RNU7-1: variants seen among roughly 807,000 people sequenced by gnomAD.
The protein encoded by RNU7-1 is RNA, small nuclear U7.
chr12:6,943,850 G>C (rs1055698058), exon 1 of RNU7-1: 2 of 895,912 alleles, frequency 2.2e-6, no homozygotes, highest in African/African-American at 1.7e-5. Flanking sequence ...TGTCTAGTAG[G>C]CTTTCTGGCT....
At chr12:6,943,839 T>G (rs976977214) in exon 1 of RNU7-1, 16 of 873,876 alleles carry the variant, frequency 1.8e-5, no homozygotes, top group African/African-American at 1.7e-5. Context: ...CTTTTAGAAT[T>G]TGTCTAGTAG....
chr12:6,943,874 C>CTCCTCTTATGAT (rs1555145533), exon 1 of RNU7-1: 5 of 967,290 alleles, frequency 5.2e-6, no homozygotes, highest in Non-Finnish European at 7.3e-6. Flanking sequence ...TACCGGAAAG[C>CTCCTCTTATGAT]CCCTCTTATG....
At chr12:6,943,868 G>GC (rs1287202202) in exon 1 of RNU7-1, 2 of 941,890 alleles carry the variant, frequency 2.1e-6, no homozygotes, top group Non-Finnish European at 3.0e-6. Context: ...GCTTTTTACC[G>GC]GAAAGCCCCT....
chr12:6,943,863 T>TC (rs1194029331), exon 1 of RNU7-1: 5 of 938,858 alleles, frequency 5.3e-6, no homozygotes, highest in African/African-American at 5.1e-5. Flanking sequence ...TTCTGGCTTT[T>TC]TACCGGAAAG....
exon 1 of RNU7-1, chr12:6,943,858 GC>G (rs1229734645): frequency 8.3e-5 from 78 of 940,570 alleles, no homozygotes; most frequent in Middle Eastern, 3.5e-4. Context: ...AGGCTTTCTG[GC>G]TTTTTACCGG....
At chr12:6,943,858 GCTTTT>G in exon 1 of RNU7-1, 1 of 940,566 alleles carries the variant, frequency 1.1e-6, no homozygotes, top group South Asian at 1.8e-5. Context: ...AGGCTTTCTG[GCTTTT>G]TACCGGAAAG....
In RNU7-1 at chr12:6,943,835, G is replaced by A. The variant is rs782066592; in HGVS notation, n.20G>A. ...ACGCAGCAGTGTTACAGCTCTTTTA[G>A]AATTTGTCTAGTAGGCTTTCTGGCT... On this transcript the variant is annotated non_coding_transcript_exon_variant, in exon 1 of 1. Coordinates refer to ENST00000458811, the Ensembl canonical transcript of RNU7-1. The A allele has an allele frequency of 4.8e-4, 425 of 877,488 alleles. No individual in the cohort carries two copies. Among genetic ancestry groups the A allele is most frequent in the African/African-American group, 5.9e-4 (34 of 58,116 alleles). 54.4% of individuals were successfully genotyped at this position (877,488 alleles called of 1,614,324 possible). A position where few individuals can be genotyped will look rare whatever the true frequency, so the allele number is the denominator to read the frequency against.
At chr12:6,943,848 A>T in exon 1 of RNU7-1, 1 of 899,162 alleles carries the variant, frequency 1.1e-6, no homozygotes, top group Non-Finnish European at 1.6e-6. Context: ...TTTGTCTAGT[A>T]GGCTTTCTGG....
Position 6,943,848 on chromosome 12 carries a change from A to G in RNU7-1, n.33A>G, listed in dbSNP as rs782368655. 3.3e-5 allele frequency: 30 copies of G among 899,162 alleles called. No homozygotes were observed. In the Admixed American group the frequency reaches 3.8e-4, roughly 11 times the overall value. 55.7% of individuals were successfully genotyped at this position (899,162 alleles called of 1,614,324 possible). A position where few individuals can be genotyped will look rare whatever the true frequency, so the allele number is the denominator to read the frequency against. ...ACAGCTCTTTTAGAATTTGTCTAGT[A>G]GGCTTTCTGGCTTTTTACCGGAAAG... is the stretch of plus-strand genomic sequence containing the variant. On this transcript the variant is annotated non_coding_transcript_exon_variant, in exon 1 of 1. Transcript: ENST00000458811.
chr12:6,943,864 T>TGGTAAAAA, exon 1 of RNU7-1: 2 of 937,258 alleles, frequency 2.1e-6, no homozygotes, highest in Non-Finnish European at 3.0e-6. Flanking sequence ...TCTGGCTTTT[T>TGGTAAAAA]ACCGGAAAGC....
At chr12:6,943,847 TAGGC>T in exon 1 of RNU7-1, 2 of 901,134 alleles carry the variant, frequency 2.2e-6, no homozygotes, top group Non-Finnish European at 1.6e-6. Context: ...ATTTGTCTAG[TAGGC>T]TTTCTGGCTT....
chr12:6,943,833 T>A (rs782678781), exon 1 of RNU7-1: 3 of 876,848 alleles, frequency 3.4e-6, no homozygotes, highest in Non-Finnish European at 4.8e-6. Flanking sequence ...ACAGCTCTTT[T>A]AGAATTTGTC....
chr12:6,943,868 G>T, exon 1 of RNU7-1: 2 of 941,890 alleles, frequency 2.1e-6, no homozygotes, highest in South Asian at 3.5e-5. Context: ...GCTTTTTACC[G>T]GAAAGCCCCT....
exon 1 of RNU7-1, chr12:6,943,841 G>A (rs921380928): frequency 9.5e-5 from 84 of 885,458 alleles, no homozygotes; most frequent in Admixed American, 1.3e-4. Context: ...TTTAGAATTT[G>A]TCTAGTAGGC....
exon 1 of RNU7-1, chr12:6,943,838 T>C (rs1188326126): frequency 6.9e-6 from 6 of 869,728 alleles, no homozygotes; most frequent in South Asian, 1.8e-5. Flanking sequence ...TCTTTTAGAA[T>C]TTGTCTAGTA....
rs187552855 is a variant in RNU7-1, at chr12:6,943,874, C to T, written n.59C>T. 564 of 967,404 alleles carry T rather than the reference C, an allele frequency of 5.8e-4. 3 individuals are homozygous for T. Among genetic ancestry groups the T allele is most frequent in the South Asian group, 2.2e-3 (130 of 58,058 alleles). The allele number at this position is 967,404 out of a possible 1,614,324, so 59.9% of individuals were successfully genotyped here. A position where few individuals can be genotyped will look rare whatever the true frequency, so the allele number is the denominator to read the frequency against. On this transcript the variant is annotated non_coding_transcript_exon_variant, in exon 1 of 1. Coordinates refer to ENST00000458811, the Ensembl canonical transcript of RNU7-1. ...GGCTTTCTGGCTTTTTACCGGAAAG[C>T]CCCTCTTATGATGTTTGTTGCCAAT...
exon 1 of RNU7-1, chr12:6,943,830 T>TA (rs1429639619): frequency 4.6e-6 from 4 of 868,710 alleles, no homozygotes; most frequent in African/African-American, 3.5e-5. Flanking sequence ...GTTACAGCTC[T>TA]TTTAGAATTT....
chr12:6,943,843 C>A (rs180837208), exon 1 of RNU7-1: 17 of 888,348 alleles, frequency 1.9e-5, no homozygotes, highest in African/African-American at 6.9e-5. Flanking sequence ...TAGAATTTGT[C>A]TAGTAGGCTT....
rs780348551 is a variant in RNU7-1 at position 6,943,876 on chromosome 12, C to T, written n.61C>T. On this transcript the variant is annotated non_coding_transcript_exon_variant, in exon 1 of 1. Coordinates refer to ENST00000458811, the Ensembl canonical transcript of RNU7-1. ...CTTTCTGGCTTTTTACCGGAAAGCC[C>T]CTCTTATGATGTTTGTTGCCAATGA... 1,461 of 982,364 alleles carry T rather than the reference C, an allele frequency of 1.5e-3. 3 individuals are homozygous for T. The highest frequency in any genetic ancestry group is 1.7e-3 in the Non-Finnish European group (1,186 of 698,902). 60.9% of individuals were successfully genotyped at this position (982,364 alleles called of 1,614,324 possible).
Sources: gnomAD v4.1 joint callset for allele counts on GRCh38, gnomAD v4.1.1 for gene constraint, MANE v1.5 for transcripts, NCBI Gene and HGNC (gene_info 2026-07-23, HGNC 2026-07-21) for gene names.